The following UGT1A5 variants were observed in gnomAD, a reference collection of about 807,000 sequenced individuals.
The protein encoded by UGT1A5 is UDP-glucuronosyltransferase 1A5.
A neutral mutation model predicts 40.3 loss-of-function variants in UGT1A5; 29 were observed. The ratio of observed to expected loss-of-function variants is 0.72; its 90% CI spans 0.54 to 0.98. The LOEUF (loss-of-function observed/expected upper bound fraction) is 0.98, where lower values mean the gene tolerates loss of function less well. Ranked by LOEUF, UGT1A5 falls within the 50% of genes least tolerant of loss-of-function variation. The pLI is 0.00. For synonymous variants in UGT1A5, 257 were observed against 262.5 expected (o/e 0.98, Z 0.20); for missense variants, 678 against 677.9 (o/e 1.00, Z 0.00).
chr2:233,750,586 G>A (rs1377079508), intron 1 of UGT1A5: 2 of 151,926 alleles, frequency 1.3e-5, no homozygotes, highest in East Asian at 3.9e-4. Flanking sequence ...CAGGCCTGGA[G>A]GCCTAGGAAG....
At chr2:233,737,438 C>T (rs756713740) in intron 1 of UGT1A5, among the ~76,000 whole-genome samples, 1 of 152,164 alleles carries the variant, frequency 6.6e-6, no homozygotes, top group Non-Finnish European at 1.5e-5. Context: ...GTGGGAGTGT[C>T]CCGTTTTTCC....
At chr2:233,739,806 T>C (rs11695770) in intron 1 of UGT1A5, among the ~76,000 whole-genome samples, 15,021 of 151,014 alleles carry the variant, frequency 0.099, 1,689 homozygotes, top group African/African-American at 0.28. Context: ...TGGGAAGGCA[T>C]GATTGGTTTT....
intron 1 of UGT1A5, among the ~76,000 whole-genome samples, chr2:233,715,111 C>T (rs538311485): frequency 1.3e-5 from 2 of 152,222 alleles, no homozygotes; most frequent in East Asian, 3.9e-4. Flanking sequence ...ATCTCAAATG[C>T]CTGATCTCAA....
chr2:233,759,709 C>A (rs139134152), intron 1 of UGT1A5, among the ~76,000 whole-genome samples: 2 of 151,084 alleles, frequency 1.3e-5, no homozygotes, highest in East Asian at 3.9e-4. Flanking sequence ...GGCGCGTGCT[C>A]GTGTGGTGGG....
intron 1 of UGT1A5, among the ~76,000 whole-genome samples, chr2:233,744,543 A>T (rs946291189): frequency 4.6e-5 from 7 of 152,050 alleles, no homozygotes; most frequent in East Asian, 1.9e-4. Flanking sequence ...TGTAAATTTT[A>T]TTAAGACAAA....
chr2:233,746,996 T>C (rs1200974449), intron 1 of UGT1A5, among the ~76,000 whole-genome samples: 1 of 151,576 alleles, frequency 6.6e-6, no homozygotes, highest in East Asian at 1.9e-4. Context: ...TCAGATGAGT[T>C]TTTCAAGTAG....
chr2:233,757,270 C>T (rs1464122204), intron 1 of UGT1A5, among the ~76,000 whole-genome samples: 2 of 102,654 alleles, frequency 1.9e-5, no homozygotes, highest in African/African-American at 7.7e-5. Context: ...GCAGCCGATG[C>T]AATGATTCAG....
rs545178357 is a variant in UGT1A5 at position 233,762,901 on chromosome 2, A to C, written c.868-4133A>C. ...TCTTATAAATTCCATGCCAAATATC[A>C]GGGCTATTGAATTTATTAGAATCTC... On this transcript the variant is annotated intron_variant, in intron 1 of 4. Coordinates refer to ENST00000373414, the MANE Select transcript of UGT1A5 (RefSeq NM_019078.2). Among the ~76,000 whole-genome samples the C allele has an allele frequency of 3.3e-5, 5 of 152,312 alleles. No homozygotes were observed. In the South Asian group the frequency reaches 1.0e-3, roughly 32 times the overall value.
rs544468002 is a variant in UGT1A5 at position 233,756,533 on chromosome 2, C to G, written c.868-10501C>G. Among the ~76,000 whole-genome samples, 22 of 152,166 alleles carry G rather than the reference C, an allele frequency of 1.4e-4. 2 individuals carry two copies. The South Asian group carries it at 3.5e-3, about 24-fold the overall frequency. ...TCAAATGTGCATGTTATTCACTTTT[C>G]TTGACTGCTAAAACAACCAGGGAGA... On this transcript the variant is annotated intron_variant, in intron 1 of 4. Coordinates refer to ENST00000373414, the MANE Select transcript of UGT1A5 (RefSeq NM_019078.2).
chr2:233,729,594 C>T (rs1443112600), intron 1 of UGT1A5: 5 of 1,614,106 alleles, frequency 3.1e-6, no homozygotes, highest in Non-Finnish European at 4.2e-6. Flanking sequence ...CCGTTAACCT[C>T]TGCGCGGCAG....
intron 1 of UGT1A5, chr2:233,760,299 G>A (rs781590934): frequency 6.2e-7 from 1 of 1,613,582 alleles, no homozygotes. Context: ...TGGCTGTGGA[G>A]TCCCAGGGCG....
chr2:233,741,276 T>C (rs752081250), intron 1 of UGT1A5, among the ~76,000 whole-genome samples: 1 of 151,850 alleles, frequency 6.6e-6, no homozygotes, highest in Non-Finnish European at 1.5e-5. Flanking sequence ...CACTGAACAA[T>C]GGGATTTATG....
rs146693320 is a variant in UGT1A5 at position 233,769,441 on chromosome 2, G to A, written c.1307+1002G>A. On this transcript the variant is annotated intron_variant, in intron 4 of 4. Transcript: ENST00000373414. The surrounding 1 kb of genome is among the most constrained non-coding windows in gnomAD (Gnocchi z 4.4). The stretch of plus-strand genomic sequence containing the variant: ...TGCATGTGGCTGTGCTCATGTGTGG[G>A]TGCACACGTGTGCATTCATATGCGT... 108 of 1,546,728 alleles carry A rather than the reference G, an allele frequency of 7.0e-5. No individual in the cohort carries two copies. Among genetic ancestry groups the A allele is most frequent in the Non-Finnish European group, 9.1e-5 (102 of 1,123,582 alleles).
rs1285354199 is a variant in UGT1A5 at position 233,768,247 on chromosome 2, C to T, written c.1115C>T (p.Thr372Ile). The part of the protein sequence containing the change: ...LGHPMTRAFI[T>I]HAGSHGVYES... ...CACCCGATGACCCGTGCCTTTATCA[C>T]CCATGCTGGTTCCCATGGTGTTTAT... Residue 372 changes from threonine to isoleucine, a missense_variant, in exon 4 of 5, where the codon ACC (threonine) becomes ATC (isoleucine). By Grantham distance (89) the Thr-to-Ile change is moderately conservative (BLOSUM62 -1). Coordinates refer to ENST00000373414, the MANE Select transcript of UGT1A5 (RefSeq NM_019078.2). 4 of 1,614,056 alleles carry T rather than the reference C, an allele frequency of 2.5e-6. No individual in the cohort carries two copies. Among genetic ancestry groups the T allele is most frequent in the Non-Finnish European group, 3.4e-6 (4 of 1,180,046 alleles).
At chr2:233,729,423 G>A in intron 1 of UGT1A5, 2 of 1,613,822 alleles carry the variant, frequency 1.2e-6, no homozygotes, top group East Asian at 4.5e-5. Flanking sequence ...ACACTCAACT[G>A]TACTTTGAAA....
chr2:233,718,710 T>G (rs1277838228), intron 1 of UGT1A5: 4 of 1,606,080 alleles, frequency 2.5e-6, no homozygotes, highest in Admixed American at 1.7e-5. Flanking sequence ...TGTCTTCCAA[T>G]TACATGCTGA....
Position 233,769,582 on chromosome 2 carries a change from T to G in UGT1A5, c.1307+1143T>G. The G allele has an allele frequency of 6.2e-7, 1 of 1,612,842 alleles. No homozygotes were observed. Among genetic ancestry groups the G allele is most frequent in the Admixed American group, 1.7e-5 (1 of 60,012 alleles). ...TGTGAAGAGCTGGAGCATGTTCAGA[T>G]GAGAGGAGACGGAACACGGGGACAC... On this transcript the variant is annotated intron_variant, in intron 4 of 4. Coordinates refer to ENST00000373414, the MANE Select transcript of UGT1A5 (RefSeq NM_019078.2). This position sits in a 1 kb window ranked among gnomAD's most constrained non-coding sequence, Gnocchi z 4.4.
intron 1 of UGT1A5, chr2:233,729,638 T>G (rs2077898670): frequency 6.2e-7 from 1 of 1,613,806 alleles, no homozygotes; most frequent in Admixed American, 1.7e-5. Context: ...CCTACTGTGT[T>G]TTTTTTGAGG....
rs2077098328 is a variant in UGT1A5, at chr2:233,723,542, AT to A, written c.867+9691del. ...TTTTTTTTTTTTTTTTTTTTAATTT[AT>A]TTTTTTATTGATAATTCTTGGGTGT... On this transcript the variant is annotated intron_variant, in intron 1 of 4. Coordinates refer to ENST00000373414, the MANE Select transcript of UGT1A5 (RefSeq NM_019078.2). 4.0e-5 allele frequency among the ~76,000 whole-genome samples: 3 copies of A among 74,540 alleles called. No individual in the cohort carries two copies. The East Asian group carries it at 1.2e-3, about 29-fold the overall frequency. 48.9% of individuals were successfully genotyped at this position (74,540 alleles called of 152,430 possible).
Sources: gnomAD v4.1 joint callset for allele counts (sites outside exome capture counted in the v4.1 genomes callset) on GRCh38, gnomAD v4.1.1 for gene constraint, Gnocchi (gnomAD v3.1) non-coding constraint, MANE v1.5 for transcripts, NCBI Gene and HGNC (gene_info 2026-07-23, HGNC 2026-07-21) for gene names.